Variants in SLC15A1 observed in about 807,000 individuals in gnomAD.
The protein encoded by SLC15A1 is solute carrier family 15 member 1.
In SLC15A1, 83 loss-of-function variants were observed where a neutral mutation model predicts 92.9. That is an observed-to-expected ratio of 0.89 (90% CI 0.75 to 1.07). The LOEUF (loss-of-function observed/expected upper bound fraction) is 1.07. Ranked by LOEUF, SLC15A1 falls within the 50% of genes least tolerant of loss-of-function variation. The pLI, the probability that SLC15A1 is intolerant of heterozygous loss-of-function variation, is 0.00. For missense variants in SLC15A1, 857 were observed against 880.1 expected, an observed-to-expected ratio of 0.97 and a Z score of 0.33; for synonymous variants, 322 against 318.2, an observed-to-expected ratio of 1.01 and a Z score of -0.13.
intron 15 of SLC15A1, among the ~76,000 whole-genome samples, chr13:98,707,891 TAAAAAAAAAAAAAAAAAA>T (rs745924829): frequency 9.4e-6 from 1 of 106,852 alleles, no homozygotes; most frequent in Non-Finnish European, 1.7e-5. Flanking sequence ...AGACCCTGTT[TAAAAAAAAAAAAAAAAAA>T]AAAAAAAAAA....
intron 1 of SLC15A1, among the ~76,000 whole-genome samples, chr13:98,728,497 G>T (rs1053013899): frequency 1.2e-4 from 19 of 152,072 alleles, no homozygotes; most frequent in African/African-American, 4.6e-4. Context: ...TCATATGTAG[G>T]AGCTAAAAAA....
At chr13:98,722,270 C>T (rs2088266907) in intron 5 of SLC15A1, among the ~76,000 whole-genome samples, 1 of 152,158 alleles carries the variant, frequency 6.6e-6, no homozygotes, top group African/African-American at 2.4e-5. Context: ...ATAACCGACT[C>T]ATAATAGTCA....
At chr13:98,718,090 G>T (rs1408530664) in intron 8 of SLC15A1, among the ~76,000 whole-genome samples, 1 of 152,068 alleles carries the variant, frequency 6.6e-6, no homozygotes, top group Non-Finnish European at 1.5e-5. Context: ...AGTTATTGCG[G>T]TTTTTGCCAT....
rs770538977 is a variant in SLC15A1, at chr13:98,688,524, T to C, written c.1520A>G (p.Tyr507Cys). The C allele has an allele frequency of 1.2e-6, 2 of 1,614,122 alleles. No individual in the cohort carries two copies. Among genetic ancestry groups the C allele is most frequent in the Non-Finnish European group, 1.7e-6 (2 of 1,180,016 alleles). The part of the protein sequence containing the change: ...LITITMSGKV[Y>C]ANISSYNAST... ...GGCATTGTAGCTGCTGATGTTTGCA[T>C]AAACTTTCCCACTCATTGTGATGGT... Residue 507 changes from tyrosine (Y) to cysteine (C), a missense_variant, in exon 19 of 23, where the codon TAT (tyrosine) becomes TGT (cysteine). Tyr to Cys is a radical substitution (Grantham distance 194). Coordinates refer to ENST00000376503, the MANE Select transcript of SLC15A1 (RefSeq NM_005073.4).
At chr13:98,728,977 TAAAAAAAAAAAAA>T (rs71218592) in intron 1 of SLC15A1, among the ~76,000 whole-genome samples, 1 of 13,900 alleles carries the variant, frequency 7.2e-5, no homozygotes, top group South Asian at 3.8e-3. Context: ...TAAGGCTCTG[TAAAAAAAAAAAAA>T]AAAAAAAAAA....
intron 1 of SLC15A1, among the ~76,000 whole-genome samples, chr13:98,740,154 A>C (rs1349731878): frequency 1.3e-5 from 2 of 152,198 alleles, no homozygotes; most frequent in African/African-American, 4.8e-5. Flanking sequence ...TTTTGGGTGG[A>C]GGTTGCTATA....
intron 1 of SLC15A1, 74 bp downstream of exon 1, chr13:98,752,521 G>T: frequency 1.6e-6 from 2 of 1,240,694 alleles, no homozygotes; most frequent in South Asian, 2.8e-5. Context: ...GCGCCTCCCG[G>T]CCCTCGGTGC....
At chr13:98,734,301 T>C (rs1369973888) in intron 1 of SLC15A1, among the ~76,000 whole-genome samples, 1 of 152,190 alleles carries the variant, frequency 6.6e-6, no homozygotes, top group Non-Finnish European at 1.5e-5. Context: ...ATCATCGATA[T>C]AGCTCCCCTT....
chr13:98,712,623 C>A, intron 9 of SLC15A1, 39 bp from the exon 10 acceptor site: 8 of 1,457,916 alleles, frequency 5.5e-6, no homozygotes, highest in Non-Finnish European at 7.7e-6. Context: ...AAAACAGGAC[C>A]AACAACTTTG....
At chr13:98,711,513 G>A (rs1028462722) in intron 11 of SLC15A1, among the ~76,000 whole-genome samples, 3 of 152,150 alleles carry the variant, frequency 2.0e-5, no homozygotes, top group South Asian at 2.1e-4. Context: ...TTGTTACCAC[G>A]CTGTATTGGT....
At chr13:98,726,008 T>C in intron 4 of SLC15A1, 115 bp downstream of exon 4, 2 of 1,345,646 alleles carry the variant, frequency 1.5e-6, no homozygotes, top group South Asian at 1.4e-5. Flanking sequence ...ACACCTGGCC[T>C]CTCCTAAGAG....
At chr13:98,726,292 G>T in intron 3 of SLC15A1, 28 bp from the exon 4 acceptor site, 1 of 1,613,674 alleles carries the variant, frequency 6.2e-7, no homozygotes, top group South Asian at 1.1e-5. Context: ...TGGAAGAGGA[G>T]GGGGAAACAA....
intron 1 of SLC15A1, among the ~76,000 whole-genome samples, chr13:98,735,981 G>GA (rs1486922720): frequency 6.6e-6 from 1 of 152,086 alleles, no homozygotes; most frequent in African/African-American, 2.4e-5. Context: ...CACAGAATTG[G>GA]AAAAAACTAC....
At chr13:98,740,983 A>G (rs2088439097) in intron 1 of SLC15A1, among the ~76,000 whole-genome samples, 1 of 152,168 alleles carries the variant, frequency 6.6e-6, no homozygotes. Flanking sequence ...GCTCTTGTTG[A>G]GGCTGTTTCT....
In SLC15A1 at chr13:98,686,249, C is replaced by T. The variant is rs555733955; in HGVS notation, c.1876G>A (p.Val626Met). 9 of 1,613,636 alleles carry T rather than the reference C, an allele frequency of 5.6e-6. No homozygotes were observed. Among genetic ancestry groups the T allele is most frequent in the Admixed American group, 5.0e-5 (3 of 59,940 alleles). Residue 626 changes from valine (V) to methionine (M), a missense_variant, in exon 22 of 23, where the codon GTG (valine) becomes ATG (methionine). Physicochemically the swap from Val to Met is conservative, Grantham distance 21. Transcript: ENST00000376503. ...SVLQAGWLLT[V>M]AVGNIIVLIV... ...AGCACAATGATGTTGCCAACAGCCA[C>T]GGTCAGCAGCCATCCTGCCTGAAGC...
chr13:98,721,312 A>T, intron 7 of SLC15A1, 183 bp downstream of exon 7: 1 of 705,922 alleles, frequency 1.4e-6, no homozygotes. Context: ...GATTTAAATA[A>T]GACAAAAAGG....
At chr13:98,718,300 CTTTTTTTTTTTTTTTTTTT>C (rs532286337) in intron 8 of SLC15A1, among the ~76,000 whole-genome samples, 40,606 of 84,478 alleles carry the variant, frequency 0.48, 9,326 homozygotes, top group Non-Finnish European at 0.56. Flanking sequence ...TCACCTTCAT[CTTTTTTTTTTTTTTTTTTT>C]TTTTTTTTTT....
At chr13:98,747,841 A>T (rs542735349) in intron 1 of SLC15A1, among the ~76,000 whole-genome samples, 2 of 152,324 alleles carry the variant, frequency 1.3e-5, no homozygotes, top group African/African-American at 4.8e-5. Context: ...AGATTGTGCC[A>T]CTGCACTCCA....
chr13:98,724,617 G>A (rs1399663932), intron 4 of SLC15A1, among the ~76,000 whole-genome samples: 1 of 152,094 alleles, frequency 6.6e-6, no homozygotes, highest in Non-Finnish European at 1.5e-5. Context: ...GACTACAGGG[G>A]CCCGCCACCA....
Sources: gnomAD v4.1 joint callset for allele counts (sites outside exome capture counted in the v4.1 genomes callset) on GRCh38, gnomAD v4.1.1 for gene constraint, MANE v1.5 for transcripts, NCBI Gene and HGNC (gene_info 2026-07-23, HGNC 2026-07-21) for gene names.